The following MRPS18B variants were observed in gnomAD, a reference collection of about 807,000 sequenced individuals.
MRPS18B encodes the protein mitochondrial ribosomal protein S18B.
Under a neutral mutation model 28.4 loss-of-function variants are expected in MRPS18B, and 27 were observed. The observed-to-expected ratio is 0.95, with a 90% CI of 0.70 to 1.31. The LOEUF is 1.31. Among genes scored for constraint, MRPS18B ranks in the 40% most tolerant of loss-of-function variants. The pLI is 0.00. For synonymous variants in MRPS18B, 118 were observed against 123.7 expected (o/e 0.95, Z 0.30); for missense variants, 343 against 335.9 (o/e 1.02, Z -0.17).
chr6:30,620,539 A>G (rs968856366), intron 4 of MRPS18B, among the ~76,000 whole-genome samples: 5 of 151,526 alleles, frequency 3.3e-5, no homozygotes, highest in Non-Finnish European at 5.9e-5. Context: ...TGCCTATGAA[A>G]TTTACAGTCT....
intron 5 of MRPS18B, among the ~76,000 whole-genome samples, chr6:30,624,023 A>G (rs1665720247): frequency 6.7e-6 from 1 of 149,018 alleles, no homozygotes; most frequent in South Asian, 2.1e-4. Context: ...GGCCTTCCAA[A>G]GTGCTGGGAT....
rs1387386863 is a variant in MRPS18B at position 30,625,650 on chromosome 6, G to A, written c.630G>A (p.Glu210=). Reference sequence around the variant, plus strand: ...GGTACAACTGGAAACAGCCACCGGAGAGAGAACTGTCTCGCCTTCGCCGGC... The same window carrying A: ...GGTACAACTGGAAACAGCCACCGGAAAGAGAACTGTCTCGCCTTCGCCGGC... ...YPWYNWKQPP[E]RELSRLRRLY... Residue 210 remains glutamate (E), a synonymous_variant, in exon 7 of 7, where the codon GAG becomes GAA. Coordinates refer to ENST00000259873, the MANE Select transcript of MRPS18B (RefSeq NM_014046.4). 7 of 1,612,956 alleles carry A rather than the reference G, an allele frequency of 4.3e-6. No homozygotes were observed. In the South Asian group the frequency reaches 7.7e-5, roughly 18 times the overall value.
intron 5 of MRPS18B, 71 bp from the exon 6 acceptor site, chr6:30,624,812 T>A: frequency 1.3e-6 from 2 of 1,550,396 alleles, no homozygotes; most frequent in Non-Finnish European, 1.8e-6. Flanking sequence ...TACCCCTCTG[T>A]CACCATATGG....
chr6:30,618,041 A>G, intron 1 of MRPS18B, 98 bp downstream of exon 1: 1 of 1,238,658 alleles, frequency 8.1e-7, no homozygotes, highest in Non-Finnish European at 1.2e-6. Context: ...AGACCTTCCC[A>G]CGTGTGTCTT....
chr6:30,625,054 T>A, intron 6 of MRPS18B, 112 bp downstream of exon 6: 1 of 1,134,276 alleles, frequency 8.8e-7, no homozygotes, highest in Non-Finnish European at 1.3e-6. Context: ...GCACCCAGCA[T>A]GTTCTTCCTG....
chr6:30,621,016 T>C (rs1042277225), intron 4 of MRPS18B, among the ~76,000 whole-genome samples: 4 of 152,246 alleles, frequency 2.6e-5, no homozygotes, highest in African/African-American at 9.6e-5. Flanking sequence ...CACCTGGGGC[T>C]GGAGGGCAGG....
At position 30,625,886 on chromosome 6, in the gene MRPS18B, A is replaced by G; in HGVS notation, c.*89A>G. 7.2e-7 allele frequency: 1 copy of G among 1,397,914 alleles called. No homozygotes were observed. The highest frequency in any genetic ancestry group is 1.4e-5 in the South Asian group (1 of 73,858). The allele number at this position is 1,397,914 out of a possible 1,614,324, so 86.6% of individuals were successfully genotyped here. On this transcript the variant is annotated 3_prime_UTR_variant, in exon 7 of 7. Transcript: ENST00000259873. Reference sequence around the variant, plus strand: ...GAAGCCAAGGTGGGCTGATCACTTGATCCCAGGAGTTTGAGACCAGCCTGG... The same window carrying G: ...GAAGCCAAGGTGGGCTGATCACTTGGTCCCAGGAGTTTGAGACCAGCCTGG...
Position 30,617,843 on chromosome 6 carries a change from T to A in MRPS18B, c.-23T>A, listed in dbSNP as rs1200938476. On this transcript the variant is annotated 5_prime_UTR_variant, in exon 1 of 7. Transcript: ENST00000259873. ...CATGCGCAGTTGCCTTTCCGTCAATTCCTGTCCTGGGCGTACGTCAAGATG... is the reference window on the plus strand; with the variant it reads ...CATGCGCAGTTGCCTTTCCGTCAATACCTGTCCTGGGCGTACGTCAAGATG... 1.2e-6 allele frequency: 2 copies of A among 1,614,072 alleles called. No individual in the cohort carries two copies. The highest frequency in any genetic ancestry group is 2.2e-5 in the South Asian group (2 of 91,072).
rs762806914 is a variant in MRPS18B at position 30,625,838 on chromosome 6, C to T, written c.*41C>T. 6.4e-7 allele frequency: 1 copy of T among 1,557,908 alleles called. No individual in the cohort carries two copies. Among genetic ancestry groups the T allele is most frequent in the Non-Finnish European group, 8.7e-7 (1 of 1,144,740 alleles). On this transcript the variant is annotated 3_prime_UTR_variant, in exon 7 of 7. Coordinates refer to ENST00000259873, the MANE Select transcript of MRPS18B (RefSeq NM_014046.4). ...AAGAGAGGCCAGGCGTGGTGGCTCA[C>T]TCCTGTAATCCCAGCACTTTGGGAA... is the stretch of plus-strand genomic sequence containing the variant.
At position 30,625,843 on chromosome 6, in the gene MRPS18B, G is replaced by A; in HGVS notation, c.*46G>A. 1.9e-6 allele frequency: 3 copies of A among 1,553,560 alleles called. No individual in the cohort carries two copies. The highest frequency in any genetic ancestry group is 2.6e-6 in the Non-Finnish European group (3 of 1,141,858). ...AGGCCAGGCGTGGTGGCTCACTCCT[G>A]TAATCCCAGCACTTTGGGAAGCCAA... On this transcript the variant is annotated 3_prime_UTR_variant, in exon 7 of 7. Coordinates refer to ENST00000259873, the MANE Select transcript of MRPS18B (RefSeq NM_014046.4).
chr6:30,618,782 G>C (rs1009087241), intron 1 of MRPS18B, among the ~76,000 whole-genome samples: 1 of 152,046 alleles, frequency 6.6e-6, no homozygotes, highest in Non-Finnish European at 1.5e-5. Flanking sequence ...GATTGATTTG[G>C]AGACTCACCT....
At position 30,626,350 on chromosome 6, in the gene MRPS18B, A is replaced by T. The variant is rs112418429; in HGVS notation, c.*553A>T. Reference sequence around the variant, plus strand: ...AACATTGTTGCCGTTTCATACTTCTACCAACTCAGCTTTTACACAATAAAG... The same window carrying T: ...AACATTGTTGCCGTTTCATACTTCTTCCAACTCAGCTTTTACACAATAAAG... On this transcript the variant is annotated 3_prime_UTR_variant, in exon 7 of 7. Coordinates refer to ENST00000259873, the MANE Select transcript of MRPS18B (RefSeq NM_014046.4). 2.4e-5 allele frequency: 4 copies of T among 166,478 alleles called. No individual in the cohort carries two copies. The highest frequency in any genetic ancestry group is 9.6e-5 in the African/African-American group (4 of 41,726). The allele number at this position is 166,478 out of a possible 1,614,324, so 10.3% of individuals were successfully genotyped here. A position where few individuals can be genotyped will look rare whatever the true frequency, so the allele number is the denominator to read the frequency against.
chr6:30,619,733 G>A lies in MRPS18B; in HGVS notation c.212G>A (p.Arg71His), dbSNP rs140805833. 33 of 1,614,094 alleles carry A rather than the reference G, an allele frequency of 2.0e-5. No homozygotes were observed. The African/African-American group carries it at 2.5e-4, about 12-fold the overall frequency. ...SEEYQERYGS[R>H]PVWADYRRNH... ...GAATACCAGGAGCGATATGGTTCTC[G>A]CCCCGTCTGGGCTGACTACCGCCGC... The change falls in exon 3 of 7, where the codon CGC becomes CAC. Residue 71 changes from arginine (R) to histidine (H), a missense_variant. Transcript: ENST00000259873.
At chr6:30,622,726 A>G (rs1449422528) in intron 4 of MRPS18B, 106 bp from the exon 5 acceptor site, 1 of 1,005,638 alleles carries the variant, frequency 9.9e-7, no homozygotes, top group Non-Finnish European at 1.6e-6. Context: ...AGAGGGGTGA[A>G]GGTGGTCCAT....
rs61178881 is a variant in MRPS18B at position 30,624,452 on chromosome 6, A to C, written c.422-431A>C. Among the ~76,000 whole-genome samples the C allele has an allele frequency of 2.9e-3, 438 of 152,292 alleles. 2 individuals carry two copies. Among genetic ancestry groups the C allele is most frequent in the African/African-American group, 9.5e-3 (395 of 41,570 alleles). On this transcript the variant is annotated intron_variant, in intron 5 of 6. Coordinates refer to ENST00000259873, the MANE Select transcript of MRPS18B (RefSeq NM_014046.4). ...GGGGGTGGCAGTACAATCAGTGTTC[A>C]GTTTGTCAAGAGTTTCTTATAGTCA... is the stretch of plus-strand genomic sequence containing the variant.
chr6:30,620,820 G>T (rs899844649), intron 4 of MRPS18B, among the ~76,000 whole-genome samples: 4 of 151,866 alleles, frequency 2.6e-5, no homozygotes, highest in African/African-American at 9.7e-5. Flanking sequence ...CACCCGCCTC[G>T]GCCTCCCAAA....
intron 4 of MRPS18B, among the ~76,000 whole-genome samples, chr6:30,620,360 A>G (rs1761078388): frequency 6.6e-6 from 1 of 152,146 alleles, no homozygotes; most frequent in Non-Finnish European, 1.5e-5. Context: ...AAAGAAAAAT[A>G]AAGATTAGGA....
At chr6:30,620,207 C>G (rs1761063327) in intron 4 of MRPS18B, 2 of 526,586 alleles carry the variant, frequency 3.8e-6, no homozygotes. Context: ...GTCCCAGCTA[C>G]TCAGGAGGCT....
In MRPS18B at chr6:30,625,698, A is replaced by G. The variant is rs763657615; in HGVS notation, c.678A>G (p.Glu226=). ...GGCTTTACCAGGGTCATCTCCAAGA[A>G]GAGAGTGGCCCCCCACCTGAGTCAA... is the stretch of plus-strand genomic sequence containing the variant. ...LRRLYQGHLQ[E]ESGPPPESMP... is the part of the protein sequence containing the mutation. The change falls in exon 7 of 7, where the codon GAA becomes GAG. Residue 226 remains glutamate (E), a synonymous_variant. Transcript: ENST00000259873. The G allele has an allele frequency of 1.2e-6, 2 of 1,613,062 alleles. No homozygotes were observed. The highest frequency in any genetic ancestry group is 1.7e-5 in the Admixed American group (1 of 60,012).
Sources: allele counts gnomAD v4.1 joint callset (sites outside exome capture counted in the v4.1 genomes callset), GRCh38; gene constraint gnomAD v4.1.1; transcripts MANE v1.5; gene names NCBI Gene and HGNC (gene_info 2026-07-23, HGNC 2026-07-21).